Variants in IL1RAPL1 observed in about 807,000 individuals in gnomAD.
The protein encoded by IL1RAPL1 is interleukin-1 receptor accessory protein-like 1.
In IL1RAPL1, 3 loss-of-function variants were observed where a neutral mutation model predicts 48.4. That is an observed-to-expected ratio of 0.06 (90% confidence interval 0.03 to 0.16). The LOEUF is 0.16. Ranked by LOEUF, IL1RAPL1 falls within the 10% of genes least tolerant of loss-of-function variation. The probability of loss-of-function intolerance (pLI) is 1.00; values close to 1 mark genes in which losing one functional copy is unlikely to be tolerated. For missense variants in IL1RAPL1, 349 were observed against 530.6 expected (o/e 0.66, Z 3.36); for synonymous variants, 185 against 187.7 (o/e 0.99, Z 0.12).
At chrX:29,609,298 C>G (rs778602266) in intron 5 of IL1RAPL1, among the ~76,000 whole-genome samples, 1 of 112,434 alleles carries the variant, frequency 8.9e-6, no homozygotes, top group South Asian at 3.7e-4. Flanking sequence ...ACAGATTCCC[C>G]ATTGCTTATG....
At chrX:29,803,198 T>TATAC (rs1555922398) in intron 6 of IL1RAPL1, among the ~76,000 whole-genome samples, 8 of 21,708 alleles carry the variant, frequency 3.7e-4, no homozygotes, top group African/African-American at 1.5e-3. Flanking sequence ...TATGTATACA[T>TATAC]ATACACACAT....
At chrX:28,806,989 T>TCTGTAGATA (rs1936740759) in intron 2 of IL1RAPL1, among the ~76,000 whole-genome samples, 1 of 111,110 alleles carries the variant, frequency 9.0e-6, no homozygotes, top group Non-Finnish European at 1.9e-5. Flanking sequence ...TAGCTCTAAT[T>TCTGTAGATA]GTCTGAGATG....
intron 2 of IL1RAPL1, among the ~76,000 whole-genome samples, chrX:29,224,380 TA>T (rs1200948662): frequency 3.2e-4 from 33 of 104,064 alleles, no homozygotes; most frequent in South Asian, 8.2e-4. Flanking sequence ...GATGGAAAAG[TA>T]AAAAAAAAAA....
At chrX:29,198,293 C>A (rs1379036132) in intron 2 of IL1RAPL1, among the ~76,000 whole-genome samples, 1 of 108,074 alleles carries the variant, frequency 9.3e-6, no homozygotes, top group African/African-American at 3.4e-5. Context: ...TTTTTTTTTT[C>A]TTTTTTTCTT....
intron 2 of IL1RAPL1, among the ~76,000 whole-genome samples, chrX:29,181,646 A>G (rs1202517665): frequency 8.9e-6 from 1 of 111,906 alleles, no homozygotes. Flanking sequence ...TGAACCAAAC[A>G]TACCAAAAAT....
chrX:28,668,796 T>A (rs1313244016), intron 1 of IL1RAPL1, among the ~76,000 whole-genome samples: 1 of 111,468 alleles, frequency 9.0e-6, no homozygotes, highest in Non-Finnish European at 1.9e-5. Context: ...TATCCTCCAG[T>A]TATGAAGGTG....
chrX:28,978,929 G>A (rs1925267349), intron 2 of IL1RAPL1, among the ~76,000 whole-genome samples: 1 of 112,000 alleles, frequency 8.9e-6, no homozygotes, highest in Admixed American at 9.5e-5. Flanking sequence ...TGGAGGGCCT[G>A]GTAATATCAA....
Position 29,178,916 on chromosome X carries a change from A to C in IL1RAPL1, c.83-104022A>C, listed in dbSNP as rs1410634284. On this transcript the variant is annotated intron_variant, in intron 2 of 10. Coordinates refer to ENST00000378993, the MANE Select transcript of IL1RAPL1 (RefSeq NM_014271.4). ...AGATCAGATGGTTGTAGATGTGTGG[A>C]ATTATTTCTGAGGGCTCTGTTCTGT... 4.5e-5 allele frequency among the ~76,000 whole-genome samples: 5 copies of C among 110,863 alleles called. No homozygotes were observed. The South Asian group carries it at 1.9e-3, about 42-fold the overall frequency.
intron 2 of IL1RAPL1, among the ~76,000 whole-genome samples, chrX:29,260,872 T>C: frequency 9.2e-6 from 1 of 108,296 alleles, no homozygotes; most frequent in East Asian, 2.8e-4. Context: ...AATTTTTATA[T>C]TTGTAATAAA....
intron 2 of IL1RAPL1, among the ~76,000 whole-genome samples, chrX:29,237,453 A>G (rs1931331524): frequency 8.9e-6 from 1 of 112,567 alleles, no homozygotes; most frequent in South Asian, 3.7e-4. Context: ...TGTGTATTGC[A>G]GTTATAAAAC....
Position 28,737,205 on chromosome X carries a change from C to T in IL1RAPL1, c.-24-52115C>T, listed in dbSNP as rs781094270. 1.9e-3 allele frequency among the ~76,000 whole-genome samples: 95 copies of T among 50,271 alleles called. 1 individual carries two copies. The highest frequency in any genetic ancestry group is 7.3e-3 in the African/African-American group (83 of 11,349). The allele number at this position is 50,271 out of a possible 115,157, so 43.7% of individuals were successfully genotyped here. ...TTCTTTCCTTTCTCTTTCTTTCTTTCTCTTTCTTTCTTTCTTTCTTTCTTT... is the reference window on the plus strand; with the variant it reads ...TTCTTTCCTTTCTCTTTCTTTCTTTTTCTTTCTTTCTTTCTTTCTTTCTTT... On this transcript the variant is annotated intron_variant, in intron 1 of 10. Coordinates refer to ENST00000378993, the MANE Select transcript of IL1RAPL1 (RefSeq NM_014271.4).
At chrX:29,120,951 T>A (rs764564091) in intron 2 of IL1RAPL1, among the ~76,000 whole-genome samples, 1 of 112,216 alleles carries the variant, frequency 8.9e-6, no homozygotes, top group Admixed American at 9.5e-5. Flanking sequence ...ACTTAATTAA[T>A]GTAATCTAAA....
At chrX:29,395,811 G>A (rs766540718) in intron 3 of IL1RAPL1, among the ~76,000 whole-genome samples, 2 of 111,844 alleles carry the variant, frequency 1.8e-5, no homozygotes, top group Non-Finnish European at 3.8e-5. Flanking sequence ...GTAACTACTC[G>A]TCTTAGCAAG....
chrX:29,110,667 G>C (rs947909674), intron 2 of IL1RAPL1, among the ~76,000 whole-genome samples: 1 of 111,825 alleles, frequency 8.9e-6, no homozygotes, highest in African/African-American at 3.3e-5. Context: ...GTTTTTCCGG[G>C]GGTGATTTAA....
At chrX:29,264,469 C>T (rs192670520) in intron 2 of IL1RAPL1, among the ~76,000 whole-genome samples, 242 of 110,504 alleles carry the variant, frequency 2.2e-3, no homozygotes, top group Non-Finnish European at 3.0e-3. Flanking sequence ...TTACTAAGTT[C>T]CATCTGTAAG....
At chrX:29,596,073 T>C (rs1923539219) in intron 5 of IL1RAPL1, among the ~76,000 whole-genome samples, 1 of 112,200 alleles carries the variant, frequency 8.9e-6, no homozygotes, top group Non-Finnish European at 1.9e-5. Context: ...TTCTCTATTC[T>C]GTTCCATTGG....
intron 1 of IL1RAPL1, among the ~76,000 whole-genome samples, chrX:28,644,223 C>G (rs1934581922): frequency 9.0e-6 from 1 of 111,105 alleles, no homozygotes; most frequent in African/African-American, 3.3e-5. Context: ...AATTATAGCT[C>G]TTACATTTTT....
chrX:29,911,992 A>G (rs1421390495), intron 6 of IL1RAPL1, among the ~76,000 whole-genome samples: 1 of 112,538 alleles, frequency 8.9e-6, no homozygotes, highest in African/African-American at 3.2e-5. Context: ...GCTGTAAACA[A>G]TCTCAAAAGA....
At chrX:29,692,906 T>A (rs917237460) in intron 6 of IL1RAPL1, among the ~76,000 whole-genome samples, 9 of 112,051 alleles carry the variant, frequency 8.0e-5, no homozygotes, top group Non-Finnish European at 1.3e-4. Context: ...CTGCTGTTGG[T>A]ATCTTTAGGT....
Sources: allele counts gnomAD v4.1 joint callset (sites outside exome capture counted in the v4.1 genomes callset), GRCh38; gene constraint gnomAD v4.1.1; transcripts MANE v1.5; gene names NCBI Gene and HGNC (gene_info 2026-07-23, HGNC 2026-07-21).